Variants in DNM2 observed in about 807,000 individuals in gnomAD.
The protein encoded by DNM2 is dynamin-2.
In DNM2, 15 loss-of-function variants were observed where a neutral mutation model predicts 99.0. That is an observed-to-expected ratio of 0.15 (90% CI 0.10 to 0.23). The LOEUF is 0.23. DNM2 is among the 10% of genes least tolerant of loss of function. The pLI is 1.00. For missense variants in DNM2, 742 were observed against 1,189.4 expected (o/e 0.62, Z 5.53); for synonymous variants, 525 against 481.2 (o/e 1.09, Z -1.19).
At chr19:10,806,797 A>T (rs1254382227) in intron 13 of DNM2, among the ~76,000 whole-genome samples, 1 of 152,080 alleles carries the variant, frequency 6.6e-6, no homozygotes, top group Non-Finnish European at 1.5e-5. Context: ...TGTCTCCAAA[A>T]ATAATAATAA....
At position 10,765,449 on chromosome 19, in the gene DNM2, C is replaced by A. The variant is rs538405081; in HGVS notation, c.235+5638C>A. ...TGATGGGGGTTACTTTACCAAGCAT[C>A]TTCCCCTGGTGAGCCTGGTCCATCA... On this transcript the variant is annotated intron_variant, in intron 2 of 20. Transcript: ENST00000389253. This position sits in a 1 kb window ranked among gnomAD's most constrained non-coding sequence, Gnocchi z 4.4. Among the ~76,000 whole-genome samples the A allele has an allele frequency of 5.9e-5, 9 of 152,208 alleles. No homozygotes were observed. The highest frequency in any genetic ancestry group is 1.2e-4 in the Non-Finnish European group (8 of 68,040).
intron 7 of DNM2, 44 bp downstream of exon 7, chr19:10,786,750 C>G (rs1191331557): frequency 6.2e-7 from 1 of 1,612,530 alleles, no homozygotes; most frequent in Non-Finnish European, 8.5e-7. Flanking sequence ...CTGGCCCCTG[C>G]CTTCCATCAG....
At chr19:10,728,501 C>A (rs952539513) in intron 1 of DNM2, among the ~76,000 whole-genome samples, 43 of 152,252 alleles carry the variant, frequency 2.8e-4, no homozygotes, top group African/African-American at 1.0e-3. Context: ...GCCAAGATTA[C>A]AGAGGGAGTG....
chr19:10,800,563 G>A (rs879311726), intron 11 of DNM2, among the ~76,000 whole-genome samples: 4 of 152,194 alleles, frequency 2.6e-5, no homozygotes, highest in Non-Finnish European at 5.9e-5. Context: ...AGCCACGCTC[G>A]CTCCCACAGA....
rs528839679 is a variant in DNM2, at chr19:10,725,568, T to A, written c.161+7165T>A. 6.6e-5 allele frequency among the ~76,000 whole-genome samples: 10 copies of A among 152,242 alleles called. No homozygotes were observed. In the East Asian group the frequency reaches 1.9e-3, roughly 29 times the overall value. On this transcript the variant is annotated intron_variant, in intron 1 of 20. Transcript: ENST00000389253. ...ATCTGTGGGAATATGGAAGGCTTGG[T>A]TCTGCCACACACCAAAAAAGTGACC... is the stretch of plus-strand genomic sequence containing the variant.
rs2073326161 is a variant in DNM2, at chr19:10,830,930, G to T, written c.2544-48G>T. The T allele has an allele frequency of 1.3e-6, 2 of 1,580,994 alleles. No homozygotes were observed. Among genetic ancestry groups the T allele is most frequent in the South Asian group, 2.3e-5 (2 of 86,752 alleles). On this transcript the variant is annotated intron_variant, in intron 20 of 20. Transcript: ENST00000389253. The surrounding 1 kb of genome is among the most constrained non-coding windows in gnomAD (Gnocchi z 4.8). ...AACCCAGGCCTGCCTCTTGCTCCCGGCCTCACTGCCGTCTCCCCCTCCCCA... is the reference window on the plus strand; with the variant it reads ...AACCCAGGCCTGCCTCTTGCTCCCGTCCTCACTGCCGTCTCCCCCTCCCCA...
intron 2 of DNM2, among the ~76,000 whole-genome samples, chr19:10,766,383 G>C (rs1400083294): frequency 2.0e-5 from 3 of 152,072 alleles, no homozygotes. Flanking sequence ...GGTGACTGTG[G>C]CCTCTGGCAA....
chr19:10,822,266 T>C (rs1031532674), intron 16 of DNM2, among the ~76,000 whole-genome samples: 1 of 151,246 alleles, frequency 6.6e-6, no homozygotes, highest in Non-Finnish European at 1.5e-5. Flanking sequence ...CTCAGCTCAT[T>C]GTAGCCTCCA....
chr19:10,820,227 T>C lies in DNM2; in HGVS notation c.1781+138T>C. 1.3e-6 allele frequency: 1 copy of C among 798,720 alleles called. No homozygotes were observed. Among genetic ancestry groups the C allele is most frequent in the East Asian group, 2.6e-5 (1 of 38,142 alleles). 49.5% of individuals were successfully genotyped at this position (798,720 alleles called of 1,614,324 possible). A position where few individuals can be genotyped will look rare whatever the true frequency, so the allele number is the denominator to read the frequency against. On this transcript the variant is annotated intron_variant, in intron 16 of 20. Coordinates refer to ENST00000389253, the MANE Select transcript of DNM2 (RefSeq NM_001005361.3). This position sits in a 1 kb window ranked among gnomAD's most constrained non-coding sequence, Gnocchi z 4.3. ...GGGACCCAGCTTTTAGAAAGGGGAGTCACGTGAGAAATAGCAAATGCCAGG... is the reference window on the plus strand; with the variant it reads ...GGGACCCAGCTTTTAGAAAGGGGAGCCACGTGAGAAATAGCAAATGCCAGG...
At position 10,765,168 on chromosome 19, in the gene DNM2, C is replaced by T. The variant is rs2070758942; in HGVS notation, c.235+5357C>T. Among the ~76,000 whole-genome samples the T allele has an allele frequency of 6.6e-6, 1 of 152,068 alleles. No homozygotes were observed. Among genetic ancestry groups the T allele is most frequent in the Admixed American group, 6.6e-5 (1 of 15,266 alleles). ...AGAGACGGGGTTTCACCGTGTTAGC[C>T]AGGATGGTCTCGATCTCCTGACCTC... On this transcript the variant is annotated intron_variant, in intron 2 of 20. Coordinates refer to ENST00000389253, the MANE Select transcript of DNM2 (RefSeq NM_001005361.3). This position sits in a 1 kb window ranked among gnomAD's most constrained non-coding sequence, Gnocchi z 4.4.
chr19:10,808,442 G>GCTCTT, intron 13 of DNM2, 127 bp from the exon 14 acceptor site: 2 of 976,896 alleles, frequency 2.0e-6, no homozygotes, highest in Non-Finnish European at 1.5e-6. Flanking sequence ...TTTTTCCCCT[G>GCTCTT]CTCTTCTCTT....
Position 10,795,846 on chromosome 19 carries a change from A to G in DNM2, c.1196+407A>G, listed in dbSNP as rs2071912504. 4 of 699,560 alleles carry G rather than the reference A, an allele frequency of 5.7e-6. No homozygotes were observed. The highest frequency in any genetic ancestry group is 9.8e-6 in the Non-Finnish European group (4 of 408,322). The allele number at this position is 699,560 out of a possible 1,614,324, so 43.3% of individuals were successfully genotyped here. On this transcript the variant is annotated intron_variant, in intron 9 of 20. Coordinates refer to ENST00000389253, the MANE Select transcript of DNM2 (RefSeq NM_001005361.3). The surrounding 1 kb of genome is among the most constrained non-coding windows in gnomAD (Gnocchi z 4.2). ...GCCTCTTGGGTCCCCTCCTTATTCT[A>G]ACAAAGGTAGTTGCTCCAGGTGTCT...
intron 1 of DNM2, among the ~76,000 whole-genome samples, chr19:10,746,713 C>T (rs1195137358): frequency 2.1e-5 from 3 of 145,306 alleles, no homozygotes; most frequent in Non-Finnish European, 4.5e-5. Context: ...AGCAACCGTG[C>T]CGGCTTTTTT....
Position 10,805,784 on chromosome 19 carries a change from A to G in DNM2, c.1494-132A>G, listed in dbSNP as rs565227721. 1.6e-4 allele frequency: 167 copies of G among 1,064,712 alleles called. No homozygotes were observed. In the African/African-American group the frequency reaches 2.2e-3, roughly 14 times the overall value. 66.0% of individuals were successfully genotyped at this position (1,064,712 alleles called of 1,614,324 possible). ...TTCCCTTGCGCAGCTCTGTGTGTGCAGGGGGCTTCTCTCTGCCTCTACCTG... is the reference window on the plus strand; with the variant it reads ...TTCCCTTGCGCAGCTCTGTGTGTGCGGGGGGCTTCTCTCTGCCTCTACCTG... On this transcript the variant is annotated intron_variant, in intron 12 of 20. Coordinates refer to ENST00000389253, the MANE Select transcript of DNM2 (RefSeq NM_001005361.3).
chr19:10,735,957 TATCTTTC>T (rs1312087466), intron 1 of DNM2, among the ~76,000 whole-genome samples: 20 of 152,276 alleles, frequency 1.3e-4, no homozygotes, highest in African/African-American at 4.8e-4. Flanking sequence ...CAAAACCACA[TATCTTTC>T]TTCTCTTTTT....
rs577510577 is a variant in DNM2, at chr19:10,812,544, T to G, written c.1671+167T>G. ...TGGCTCCCGCCTGTAATCCCAGCAC[T>G]TTGGGAGGGCGAGGCAGGTAGATCA... is the stretch of plus-strand genomic sequence containing the variant. On this transcript the variant is annotated intron_variant, in intron 15 of 20. Coordinates refer to ENST00000389253, the MANE Select transcript of DNM2 (RefSeq NM_001005361.3). The surrounding 1 kb of genome is among the most constrained non-coding windows in gnomAD (Gnocchi z 4.0). 1.2e-3 allele frequency among the ~76,000 whole-genome samples: 179 copies of G among 152,174 alleles called. 2 individuals are homozygous for G. The highest frequency in any genetic ancestry group is 4.1e-3 in the African/African-American group (169 of 41,500).
intron 5 of DNM2, among the ~76,000 whole-genome samples, chr19:10,778,459 C>A (rs1439457119): frequency 6.6e-6 from 1 of 151,950 alleles, no homozygotes; most frequent in Non-Finnish European, 1.5e-5. Context: ...CAAGACTAGC[C>A]TGGGCAACAT....
intron 16 of DNM2, among the ~76,000 whole-genome samples, chr19:10,821,635 G>T (rs192584355): frequency 2.2e-4 from 33 of 152,172 alleles, no homozygotes; most frequent in African/African-American, 7.9e-4. Context: ...GGGTTCAAGC[G>T]ATTCTCCTGC....
At chr19:10,735,026 T>C (rs1281711916) in intron 1 of DNM2, among the ~76,000 whole-genome samples, 1 of 151,560 alleles carries the variant, frequency 6.6e-6, no homozygotes, top group Non-Finnish European at 1.5e-5. Flanking sequence ...TCTGTGAATC[T>C]TTTTTTGTTT....
Sources: gnomAD v4.1 joint callset for allele counts (sites outside exome capture counted in the v4.1 genomes callset) on GRCh38, gnomAD v4.1.1 for gene constraint, Gnocchi (gnomAD v3.1) non-coding constraint, MANE v1.5 for transcripts, NCBI Gene and HGNC (gene_info 2026-07-23, HGNC 2026-07-21) for gene names.